PFKFB3: variants seen among roughly 807,000 people sequenced by gnomAD.
The protein encoded by PFKFB3 is 6-phosphofructo-2-kinase/fructose-2,6-biphosphatase 3, also known as 6-phosphofructo-2-kinase/fructose-2,6-bisphosphatase 3.
A neutral mutation model predicts 68.0 loss-of-function variants in PFKFB3; 33 were observed. The observed-to-expected ratio is 0.49, with a 90% confidence interval of 0.37 to 0.65. The LOEUF is 0.65. Among genes scored for constraint, PFKFB3 ranks in the 30% least tolerant of loss-of-function variants. The pLI, the probability that PFKFB3 is intolerant of heterozygous loss-of-function variation, is 0.00. For synonymous variants in PFKFB3, 315 were observed against 288.2 expected (o/e 1.09, Z -0.94); for missense variants, 586 against 712.2 (o/e 0.82, Z 2.02).
intron 1 of PFKFB3, among the ~76,000 whole-genome samples, chr10:6,206,227 G>T (rs1302308757): frequency 2.1e-5 from 3 of 145,104 alleles, no homozygotes; most frequent in African/African-American, 5.2e-5. Flanking sequence ...ATCCAACCCT[G>T]AGTGGACACA....
chr10:6,308,955 C>T, the PFKFB3 span, among the ~76,000 whole-genome samples: 9 of 152,268 alleles, frequency 5.9e-5, no homozygotes, highest in African/African-American at 9.6e-5. Context: ...AAAAGGCACA[C>T]GGGAATGTGC....
intron 13 of PFKFB3, chr10:6,225,136 G>A: frequency 2.2e-6 from 1 of 456,312 alleles, no homozygotes; most frequent in South Asian, 1.5e-5. Flanking sequence ...TGTTGTGAAA[G>A]TGAGTTTGAA....
chr10:6,236,162 T>C (rs530009790), downstream of PFKFB3, among the ~76,000 whole-genome samples: 13 of 152,188 alleles, frequency 8.5e-5, no homozygotes, highest in Non-Finnish European at 1.8e-4. Context: ...GTATCTTTCA[T>C]GTTAGGTTCC....
At chr10:6,214,783 C>T (rs115626722) in intron 2 of PFKFB3, among the ~76,000 whole-genome samples, 146 of 152,334 alleles carry the variant, frequency 9.6e-4, no homozygotes, top group Middle Eastern at 3.4e-3. Flanking sequence ...CTGGCCCTGG[C>T]GGCTGCACCA....
chr10:6,305,185 AT>A, the PFKFB3 span, among the ~76,000 whole-genome samples: 1,974 of 99,364 alleles, frequency 0.02, 78 homozygotes, highest in African/African-American at 0.07. Flanking sequence ...AATATTAGGA[AT>A]TTTTTTTTTT....
intron 14 of PFKFB3, 107 bp from the exon 15 acceptor site, chr10:6,232,788 G>A: frequency 1.2e-6 from 1 of 858,590 alleles, no homozygotes; most frequent in Non-Finnish European, 1.9e-6. Flanking sequence ...TGTCTGGGAT[G>A]GAGGGAGGGA....
the PFKFB3 span, among the ~76,000 whole-genome samples, chr10:6,295,549 A>T: frequency 3.7e-3 from 565 of 151,636 alleles, 4 homozygotes; most frequent in African/African-American, 0.013. Context: ...TTTAAGCTGA[A>T]ATCCCGTTAT....
chr10:6,251,120 A>G (rs1846372318), intron 14 of PFKFB3, among the ~76,000 whole-genome samples: 1 of 152,262 alleles, frequency 6.6e-6, no homozygotes, highest in South Asian at 2.1e-4. Flanking sequence ...AACCCAAAAT[A>G]TATTTTCCAG....
In PFKFB3 at chr10:6,209,744, C is replaced by T. The variant is rs546480454; in HGVS notation, c.77-3879C>T. Among the ~76,000 whole-genome samples the T allele has an allele frequency of 1.3e-4, 19 of 151,296 alleles. No homozygotes were observed. In the South Asian group the frequency reaches 3.1e-3, roughly 25 times the overall value. On this transcript the variant is annotated intron_variant, in intron 1 of 14. Coordinates refer to ENST00000379775, the MANE Select transcript of PFKFB3 (RefSeq NM_004566.4). ...CTGCCCAAAGTGCTGGGAGACCATG[C>T]CCAGCCAATACTTACCTTTTCTTTT...
the PFKFB3 span, among the ~76,000 whole-genome samples, chr10:6,291,260 G>A: frequency 6.6e-6 from 1 of 152,122 alleles, no homozygotes; most frequent in Admixed American, 6.6e-5. Context: ...AAAAAAAAGA[G>A]GAGTCAAAAG....
chr10:6,265,371 G>A, the PFKFB3 span, among the ~76,000 whole-genome samples: 4 of 152,084 alleles, frequency 2.6e-5, no homozygotes, highest in Admixed American at 6.6e-5. Context: ...ATGAGCCACC[G>A]CCCCTCACCT....
the PFKFB3 span, among the ~76,000 whole-genome samples, chr10:6,316,254 C>T: frequency 6.6e-5 from 10 of 152,110 alleles, no homozygotes; most frequent in East Asian, 1.9e-4. Flanking sequence ...AGCTCCTTCC[C>T]GATCTGCCTG....
At chr10:6,259,922 C>T in the PFKFB3 span, among the ~76,000 whole-genome samples, 2 of 152,156 alleles carry the variant, frequency 1.3e-5, no homozygotes, top group Admixed American at 6.5e-5. Context: ...GGCTGAATGG[C>T]AGGCACTTAG....
chr10:6,279,960 G>GGTGGGCAGGACATCA, the PFKFB3 span, among the ~76,000 whole-genome samples: 1 of 152,220 alleles, frequency 6.6e-6, no homozygotes, highest in African/African-American at 2.4e-5. Context: ...GAGCTTTGCA[G>GGTGGGCAGGACATCA]GTGGGCAGGA....
intron 1 of PFKFB3, among the ~76,000 whole-genome samples, chr10:6,171,054 G>A (rs553294619): frequency 3.0e-4 from 46 of 152,016 alleles, no homozygotes; most frequent in African/African-American, 1.1e-3. Context: ...TTTATGAGAC[G>A]GAGTTTCGCT....
chr10:6,258,681 A>T (rs1468832677), downstream of PFKFB3, among the ~76,000 whole-genome samples: 4 of 152,360 alleles, frequency 2.6e-5, no homozygotes, highest in Non-Finnish European at 4.4e-5. Flanking sequence ...CTGGATGTTC[A>T]TTAGCTTAGC....
rs1398340440 is a variant in PFKFB3 at position 6,234,661 on chromosome 10, A to G, written c.*1719A>G. 2 of 152,270 alleles carry G rather than the reference A, an allele frequency of 1.3e-5. No individual in the cohort carries two copies. The highest frequency in any genetic ancestry group is 4.8e-5 in the African/African-American group (2 of 41,422). 9.4% of individuals were successfully genotyped at this position (152,270 alleles called of 1,614,324 possible). A position where few individuals can be genotyped will look rare whatever the true frequency, so the allele number is the denominator to read the frequency against. On this transcript the variant is annotated 3_prime_UTR_variant, in exon 15 of 15. Transcript: ENST00000379775. ...ATATGTGGGTAGGGGGTGGACGTGC[A>G]CGGGTGCATGATTGTGCTTAACTTG...
chr10:6,203,674 C>T (rs1234377714), intron 1 of PFKFB3, among the ~76,000 whole-genome samples: 1 of 151,984 alleles, frequency 6.6e-6, no homozygotes, highest in Non-Finnish European at 1.5e-5. Flanking sequence ...GCGGCCGTCG[C>T]CGGAGCGCAG....
At chr10:6,217,087 A>G in intron 5 of PFKFB3, 48 bp from the exon 6 acceptor site, 2 of 1,584,694 alleles carry the variant, frequency 1.3e-6, no homozygotes, top group Non-Finnish European at 1.7e-6. Flanking sequence ...GGCAAGGTTG[A>G]TCCTTCGTGG....
Sources: allele counts gnomAD v4.1 joint callset (sites outside exome capture counted in the v4.1 genomes callset), GRCh38; gene constraint gnomAD v4.1.1; transcripts MANE v1.5; gene names NCBI Gene and HGNC (gene_info 2026-07-23, HGNC 2026-07-21).